The following ANXA6 variants were observed in gnomAD, a reference collection of about 807,000 sequenced individuals.
ANXA6 encodes the protein annexin A6.
ANXA6 carries 71 observed loss-of-function variants against 95.4 expected under a neutral mutation model. That is an observed-to-expected ratio of 0.74 (90% CI 0.61 to 0.91). The LOEUF is 0.91. Ranked by LOEUF, ANXA6 falls within the 40% of genes least tolerant of loss-of-function variation. The pLI, the probability that ANXA6 is intolerant of heterozygous loss-of-function variation, is 0.00. For synonymous variants in ANXA6, 289 were observed against 315.9 expected (o/e 0.91, Z 0.90); for missense variants, 830 against 876.4 (o/e 0.95, Z 0.67).
rs1561570474 is a variant in ANXA6 at position 151,117,855 on chromosome 5, G to C, written c.1439-18C>G. ...GTGATAGTCTGAGGCAGAGAAAGGG[G>C]GTGTGGGTAGCTGCTGGCCAAGAAG... On this transcript the variant is annotated intron_variant, in intron 18 of 25. Transcript: ENST00000354546. The C allele has an allele frequency of 6.2e-7, 1 of 1,606,440 alleles. No individual in the cohort carries two copies. Among genetic ancestry groups the C allele is most frequent in the East Asian group, 2.2e-5 (1 of 44,802 alleles).
Position 151,150,172 on chromosome 5 carries a change from C to T in ANXA6, c.-25-2246G>A, listed in dbSNP as rs533165873. On this transcript the variant is annotated intron_variant, in intron 1 of 25. Transcript: ENST00000354546. ...AGTCAATCAGATTTACCCAGTAAGA[C>T]CTAAAAGGAACAGAACTAGGAGAGT... is the stretch of plus-strand genomic sequence containing the variant. 1.4e-4 allele frequency among the ~76,000 whole-genome samples: 21 copies of T among 151,190 alleles called. 1 individual carries two copies. In the South Asian group the frequency reaches 3.6e-3, roughly 26 times the overall value.
chr5:151,124,536 TGAGAGAGAGA>T (rs56708608), intron 14 of ANXA6, among the ~76,000 whole-genome samples, 169 bp from the exon 15 acceptor site: 45,754 of 146,724 alleles, frequency 0.31, 7,795 homozygotes, highest in East Asian at 0.48. Flanking sequence ...GCACGAGAGC[TGAGAGAGAGA>T]GAGAGAGAGA....
Position 151,101,347 on chromosome 5 carries a change from T to TCCCCCC in ANXA6, c.*100_*101insGGGGGG. On this transcript the variant is annotated 3_prime_UTR_variant, in exon 26 of 26. Coordinates refer to ENST00000354546, the MANE Select transcript of ANXA6 (RefSeq NM_001155.5). ...CCAACCCAACCCCTCCCCCCACCCC[T>TCCCCCC]GCCCCTTCCTTAGTCTCTGGAGCTG... The TCCCCCC allele has an allele frequency of 6.4e-6, 1 of 155,904 alleles. No individual in the cohort carries two copies. Among genetic ancestry groups the TCCCCCC allele is most frequent in the Non-Finnish European group, 1.4e-5 (1 of 70,762 alleles). The allele number at this position is 155,904 out of a possible 1,614,324, so 9.7% of individuals were successfully genotyped here.
intron 6 of ANXA6, 51 bp from the exon 7 acceptor site, chr5:151,136,386 C>G: frequency 6.4e-7 from 1 of 1,569,454 alleles, no homozygotes; most frequent in Admixed American, 1.7e-5. Flanking sequence ...CCTCAGGGAT[C>G]TAGGATAAAG....
chr5:151,119,262 G>C, intron 18 of ANXA6, 38 bp downstream of exon 18: 2 of 1,564,290 alleles, frequency 1.3e-6, no homozygotes, highest in Non-Finnish European at 1.8e-6. Context: ...GGGCCTGGCT[G>C]TTCTCCCAGC....
Position 151,100,785 on chromosome 5 carries a change from T to C in ANXA6, c.*663A>G, listed in dbSNP as rs879569069. On this transcript the variant is annotated 3_prime_UTR_variant, in exon 26 of 26. Transcript: ENST00000354546. ...TCAAGGGAATGAATCGGAGGCATAC[T>C]TTAGGAAGTTAATGTTAGAAGGGAA... The C allele has an allele frequency of 2.0e-5, 9 of 442,352 alleles. No individual in the cohort carries two copies. The highest frequency in any genetic ancestry group is 4.1e-5 in the Non-Finnish European group (9 of 218,214). The allele number at this position is 442,352 out of a possible 1,614,324, so 27.4% of individuals were successfully genotyped here.
intron 1 of ANXA6, chr5:151,154,861 A>G (rs757387266): frequency 1.3e-5 from 2 of 152,158 alleles, no homozygotes; most frequent in Non-Finnish European, 2.9e-5. Flanking sequence ...GTAGTGTCTC[A>G]CAGTATAGAT....
At chr5:151,126,259 G>T in intron 14 of ANXA6, 143 bp downstream of exon 14, 2 of 696,164 alleles carry the variant, frequency 2.9e-6, no homozygotes, top group Non-Finnish European at 5.0e-6. Flanking sequence ...ACCACTCCAA[G>T]GGAGAAAAGG....
chr5:151,144,453 G>A (rs1765924615), intron 2 of ANXA6, among the ~76,000 whole-genome samples: 1 of 152,164 alleles, frequency 6.6e-6, no homozygotes, highest in Non-Finnish European at 1.5e-5. Context: ...GATAGAGTCT[G>A]ATTCTTCAGA....
At chr5:151,132,665 GACGA>G in intron 9 of ANXA6, 94 bp from the exon 10 acceptor site, 1 of 1,034,252 alleles carries the variant, frequency 9.7e-7, no homozygotes, top group Non-Finnish European at 1.4e-6. Flanking sequence ...CAGTGGCCAG[GACGA>G]CTGTCCACCA....
chr5:151,102,724 A>G (rs998760502), intron 25 of ANXA6, among the ~76,000 whole-genome samples: 1 of 152,104 alleles, frequency 6.6e-6, no homozygotes, highest in Non-Finnish European at 1.5e-5. Context: ...AAACAAACAA[A>G]AAGTCAGACA....
Position 151,136,339 on chromosome 5 carries a change from C to A in ANXA6, c.410-4G>T. 4 of 1,613,714 alleles carry A rather than the reference C, an allele frequency of 2.5e-6. No homozygotes were observed. The highest frequency in any genetic ancestry group is 2.5e-6 in the Non-Finnish European group (3 of 1,179,712). ...GCCTCCAGGTCCCGCTCGTAGGCTG[C>A]AGAAAGGAACGCAAGCTCTAGTCTC... On this transcript the variant is annotated splice_region_variant and splice_polypyrimidine_tract_variant and intron_variant, in intron 6 of 25. Transcript: ENST00000354546.
chr5:151,138,555 G>A (rs1765735024), intron 5 of ANXA6, 123 bp downstream of exon 5: 2 of 669,786 alleles, frequency 3.0e-6, no homozygotes, highest in Non-Finnish European at 5.4e-6. Flanking sequence ...ATTTAGATGT[G>A]TCTTTGAAGC....
chr5:151,126,426 T>C lies in ANXA6; in HGVS notation c.1032A>G (p.Glu344=). 1 of 1,610,814 alleles carries C rather than the reference T, an allele frequency of 6.2e-7. No individual in the cohort carries two copies. Among genetic ancestry groups the C allele is most frequent in the Non-Finnish European group, 8.5e-7 (1 of 1,178,612 alleles). Residue 344 remains glutamate (E), a synonymous_variant, in exon 14 of 26, where the codon GAA becomes GAG. Coordinates refer to ENST00000354546, the MANE Select transcript of ANXA6 (RefSeq NM_001155.5). The part of the protein sequence containing the change: ...EAAQVAYQMW[E]LSAVARVELK... ...CCTCTACTCGGGCCACTGCACTAAG[T>C]TCCCACATCTGATAGGCCACCTGCG...
At chr5:151,134,622 G>T in intron 7 of ANXA6, 139 bp from the exon 8 acceptor site, 1 of 813,906 alleles carries the variant, frequency 1.2e-6, no homozygotes, top group Non-Finnish European at 2.1e-6. Flanking sequence ...GCTATTGCAT[G>T]AAGACCACAG....
chr5:151,107,960 T>C (rs1764743058), intron 23 of ANXA6, among the ~76,000 whole-genome samples: 1 of 151,918 alleles, frequency 6.6e-6, no homozygotes, highest in Non-Finnish European at 1.5e-5. Context: ...GAGTGGTGTG[T>C]GTGTAGGTGT....
chr5:151,109,996 C>T, intron 21 of ANXA6, 150 bp from the exon 22 acceptor site: 1 of 635,626 alleles, frequency 1.6e-6, no homozygotes, highest in Non-Finnish European at 2.8e-6. Flanking sequence ...GTCCCCTCTT[C>T]CTTCCTCAAG....
intron 18 of ANXA6, 35 bp from the exon 19 acceptor site, chr5:151,117,872 G>T: frequency 6.3e-7 from 1 of 1,577,420 alleles, no homozygotes; most frequent in Non-Finnish European, 8.7e-7. Context: ...GTAGCTGCTG[G>T]CCAAGAAGGA....
intron 17 of ANXA6, among the ~76,000 whole-genome samples, chr5:151,121,255 T>C (rs181856668): frequency 4.6e-5 from 7 of 152,316 alleles, no homozygotes; most frequent in Admixed American, 3.3e-4. Context: ...TCTATGACCA[T>C]GACCAAGCAA....
Sources: allele counts gnomAD v4.1 joint callset (sites outside exome capture counted in the v4.1 genomes callset), GRCh38; gene constraint gnomAD v4.1.1; transcripts MANE v1.5; gene names NCBI Gene and HGNC (gene_info 2026-07-23, HGNC 2026-07-21).